Variants in PTPRT observed in about 807,000 individuals in gnomAD.
The protein encoded by PTPRT is receptor-type tyrosine-protein phosphatase T.
PTPRT carries 56 observed loss-of-function variants against 176.8 expected under a neutral mutation model. That is an observed-to-expected ratio of 0.32 (90% confidence interval 0.26 to 0.40). The LOEUF (loss-of-function observed/expected upper bound fraction) is 0.40, where lower values mean the gene tolerates loss of function less well. PTPRT is among the 10% of genes least tolerant of loss of function. The pLI is 1.00. For missense variants in PTPRT, 1,540 were observed against 1,908.2 expected (o/e 0.81, Z 3.60); for synonymous variants, 783 against 739.0 (o/e 1.06, Z -0.96).
At chr20:43,049,711 C>T (rs2425570) in intron 1 of PTPRT, among the ~76,000 whole-genome samples, 57,131 of 151,994 alleles carry the variant, frequency 0.38, 14,132 homozygotes, top group African/African-American at 0.7. Flanking sequence ...GAAATCACTC[C>T]GACAAATAAG....
At chr20:42,982,983 G>C (rs540124662) in intron 1 of PTPRT, among the ~76,000 whole-genome samples, 1 of 152,104 alleles carries the variant, frequency 6.6e-6, no homozygotes, top group African/African-American at 2.4e-5. Context: ...ACGGCCAGCC[G>C]GGGTCAGCAA....
At chr20:42,429,886 G>A (rs2145797355) in intron 9 of PTPRT, among the ~76,000 whole-genome samples, 1 of 152,314 alleles carries the variant, frequency 6.6e-6, no homozygotes, top group South Asian at 2.1e-4. Flanking sequence ...GGAGTGTAGT[G>A]TGGCTGTAAT....
rs1038262645 is a variant in PTPRT, at chr20:42,077,104, A to G, written c.*3775T>C. ...GTGACAATCACAAACCCTCCTTTAG[A>G]ATGCTGGAAGAATTTAATGAGCTCA... is the stretch of plus-strand genomic sequence containing the variant. On this transcript the variant is annotated 3_prime_UTR_variant, in exon 31 of 31. Transcript: ENST00000373187. The G allele has an allele frequency of 5.5e-6, 1 of 182,496 alleles. No homozygotes were observed. Among genetic ancestry groups the G allele is most frequent in the Non-Finnish European group, 1.2e-5 (1 of 85,626 alleles). 11.3% of individuals were successfully genotyped at this position (182,496 alleles called of 1,614,324 possible).
At chr20:42,418,862 G>T (rs186459870) in intron 9 of PTPRT, among the ~76,000 whole-genome samples, 1 of 152,234 alleles carries the variant, frequency 6.6e-6, no homozygotes, top group Admixed American at 6.5e-5. Flanking sequence ...TATTAAAGAT[G>T]AATCTCCTAT....
intron 11 of PTPRT, among the ~76,000 whole-genome samples, chr20:42,334,984 G>A (rs1179659682): frequency 6.6e-6 from 1 of 152,178 alleles, no homozygotes; most frequent in Non-Finnish European, 1.5e-5. Flanking sequence ...GACAGGAGAG[G>A]GGACATCAGT....
the PTPRT span, among the ~76,000 whole-genome samples, chr20:42,039,703 G>GATATATATATATATATTAAT: frequency 8.4e-6 from 1 of 119,630 alleles, no homozygotes; most frequent in Non-Finnish European, 1.8e-5. Flanking sequence ...TATATATATA[G>GATATATATATATATATTAAT]TAATGTATAT....
At chr20:43,042,856 TC>T (rs1986674485) in intron 1 of PTPRT, among the ~76,000 whole-genome samples, 1 of 152,010 alleles carries the variant, frequency 6.6e-6, no homozygotes, top group Non-Finnish European at 1.5e-5. Context: ...TTCTGGCATC[TC>T]AGATCATCTC....
chr20:42,307,894 C>T (rs1352857201), intron 12 of PTPRT, among the ~76,000 whole-genome samples: 6 of 152,084 alleles, frequency 3.9e-5, no homozygotes, highest in Non-Finnish European at 8.8e-5. Flanking sequence ...GTAAAGAAGC[C>T]GGCCAAATCC....
intron 5 of PTPRT, among the ~76,000 whole-genome samples, chr20:42,768,476 T>C (rs2077016883): frequency 6.6e-6 from 1 of 152,212 alleles, no homozygotes; most frequent in Non-Finnish European, 1.5e-5. Context: ...ACAATTCCTG[T>C]CTGGCTTCTG....
chr20:42,075,876 T>A lies in PTPRT; in HGVS notation c.*5003A>T, dbSNP rs1982719653. 1 of 205,742 alleles carries A rather than the reference T, an allele frequency of 4.9e-6. No homozygotes were observed. The highest frequency in any genetic ancestry group is 1.9e-4 in the South Asian group (1 of 5,296). 12.7% of individuals were successfully genotyped at this position (205,742 alleles called of 1,614,324 possible). ...TGCCCCAGACACTGAGATTTGCCCT[T>A]GTTCCAAGTGGCTCTGGCAAGCTGT... On this transcript the variant is annotated 3_prime_UTR_variant, in exon 31 of 31. Coordinates refer to ENST00000373187, the MANE Select transcript of PTPRT (RefSeq NM_007050.6).
intron 1 of PTPRT, among the ~76,000 whole-genome samples, chr20:43,134,562 G>T (rs1241781457): frequency 6.6e-6 from 1 of 151,834 alleles, no homozygotes; most frequent in Non-Finnish European, 1.5e-5. Context: ...ATCTCCTCTT[G>T]CCCATGCTGT....
At chr20:43,160,632 C>T (rs1378905798) in intron 1 of PTPRT, among the ~76,000 whole-genome samples, 1 of 152,116 alleles carries the variant, frequency 6.6e-6, no homozygotes, top group East Asian at 1.9e-4. Flanking sequence ...GGTAAGCCTA[C>T]ACTTACCCAC....
chr20:42,335,289 G>A (rs1214679613), intron 11 of PTPRT, among the ~76,000 whole-genome samples: 1 of 152,196 alleles, frequency 6.6e-6, no homozygotes, highest in Non-Finnish European at 1.5e-5. Flanking sequence ...GAGATAGGAA[G>A]AGGATTTCAT....
intron 13 of PTPRT, among the ~76,000 whole-genome samples, chr20:42,280,861 T>C (rs1193336821): frequency 6.6e-6 from 1 of 152,110 alleles, no homozygotes; most frequent in Non-Finnish European, 1.5e-5. Flanking sequence ...AGGTCTCATG[T>C]TTCCAATTCT....
At chr20:42,863,840 A>T (rs1366657903) in intron 2 of PTPRT, among the ~76,000 whole-genome samples, 1 of 152,196 alleles carries the variant, frequency 6.6e-6, no homozygotes, top group African/African-American at 2.4e-5. Context: ...TATTGCTACC[A>T]TATGATGTGA....
At chr20:42,955,939 A>G (rs1568699766) in intron 1 of PTPRT, among the ~76,000 whole-genome samples, 1 of 151,994 alleles carries the variant, frequency 6.6e-6, no homozygotes. Context: ...AGTAAACATC[A>G]CCGCTTGCTT....
intron 19 of PTPRT, among the ~76,000 whole-genome samples, chr20:42,125,094 C>G (rs938374259): frequency 6.6e-6 from 1 of 152,166 alleles, no homozygotes; most frequent in Non-Finnish European, 1.5e-5. Context: ...CATAGCTACT[C>G]TCTTCCCTTA....
chr20:42,664,838 A>C (rs2075284797), intron 7 of PTPRT, among the ~76,000 whole-genome samples: 1 of 152,208 alleles, frequency 6.6e-6, no homozygotes, highest in African/African-American at 2.4e-5. Context: ...CAAAAACAAG[A>C]AATGGGGAAA....
chr20:42,456,436 A>G (rs1456125196), intron 8 of PTPRT, among the ~76,000 whole-genome samples: 1 of 152,066 alleles, frequency 6.6e-6, no homozygotes, highest in African/African-American at 2.4e-5. Context: ...GTCTATCTCC[A>G]ATTTCAAAGA....
Sources: allele counts gnomAD v4.1 joint callset (sites outside exome capture counted in the v4.1 genomes callset), GRCh38; gene constraint gnomAD v4.1.1; transcripts MANE v1.5; gene names NCBI Gene and HGNC (gene_info 2026-07-23, HGNC 2026-07-21).